Variants in DIP2B observed in about 807,000 individuals in gnomAD.
DIP2B encodes disco-interacting protein 2 homolog B.
Under a neutral mutation model 198.0 loss-of-function variants are expected in DIP2B, and 76 were observed. The ratio of observed to expected loss-of-function variants is 0.38; its 90% CI spans 0.32 to 0.46. The LOEUF is 0.46. DIP2B is among the 20% of genes least tolerant of loss of function. DIP2B has a pLI of 0.99. For missense variants in DIP2B, 1,559 were observed against 1,978.4 expected, an observed-to-expected ratio of 0.79 and a Z score of 4.02; for synonymous variants, 701 against 739.1, an observed-to-expected ratio of 0.95 and a Z score of 0.84.
intron 1 of DIP2B, 111 bp downstream of exon 1, chr12:50,505,351 G>A: frequency 6.0e-6 from 5 of 834,216 alleles, no homozygotes; most frequent in Non-Finnish European, 8.7e-6. Context: ...GGACGAGGGT[G>A]TAGAGAACCT....
chr12:50,686,451 A>G (rs944772565), intron 11 of DIP2B, 122 bp from the exon 12 acceptor site: 9 of 799,462 alleles, frequency 1.1e-5, no homozygotes, highest in African/African-American at 7.0e-5. Flanking sequence ...ATAAAAACTA[A>G]GTATTTTATT....
At chr12:50,580,378 A>G (rs1166778326) in intron 1 of DIP2B, among the ~76,000 whole-genome samples, 4 of 148,966 alleles carry the variant, frequency 2.7e-5, no homozygotes, top group African/African-American at 9.8e-5. Flanking sequence ...TGAGTACTCC[A>G]GATGCCCTCT....
At position 50,659,286 on chromosome 12, in the gene DIP2B, C is replaced by T. The variant is rs7306854; in HGVS notation, c.302-908C>T. 2.9e-3 allele frequency among the ~76,000 whole-genome samples: 443 copies of T among 152,194 alleles called. 5 individuals are homozygous for T. Among genetic ancestry groups the T allele is most frequent in the African/African-American group, 0.01 (421 of 41,524 alleles). On this transcript the variant is annotated intron_variant, in intron 3 of 37. Transcript: ENST00000301180. The stretch of plus-strand genomic sequence containing the variant: ...ATTTAGGACCTGCAGTTTCTTGATT[C>T]AGAGTTTAAATTTAAAAAAGAGGAT...
intron 1 of DIP2B, among the ~76,000 whole-genome samples, chr12:50,570,893 T>G (rs2139407351): frequency 6.6e-6 from 1 of 152,330 alleles, no homozygotes; most frequent in Admixed American, 6.5e-5. Context: ...CTCTCAGAAA[T>G]TTTGGCTTCA....
intron 17 of DIP2B, among the ~76,000 whole-genome samples, chr12:50,697,928 G>A (rs1939347169): frequency 6.6e-6 from 1 of 151,902 alleles, no homozygotes; most frequent in Middle Eastern, 3.2e-3. Flanking sequence ...GAGAGATGGG[G>A]TCTTGCTCTG....
chr12:50,614,599 G>C (rs1027994247), intron 1 of DIP2B, among the ~76,000 whole-genome samples: 2 of 152,168 alleles, frequency 1.3e-5, no homozygotes, highest in African/African-American at 4.8e-5. Context: ...AGCAGTCTTA[G>C]AGCCCATGAG....
At chr12:50,569,105 T>C (rs1381181945) in intron 1 of DIP2B, among the ~76,000 whole-genome samples, 11 of 151,732 alleles carry the variant, frequency 7.2e-5, no homozygotes, top group Admixed American at 6.6e-5. Context: ...TTTTTTTTTT[T>C]CACCACAGCT....
At chr12:50,527,996 C>T (rs1029996638) in intron 1 of DIP2B, among the ~76,000 whole-genome samples, 14 of 150,166 alleles carry the variant, frequency 9.3e-5, no homozygotes, top group Non-Finnish European at 1.6e-4. Flanking sequence ...AGTGTAATCA[C>T]GGCTCACTGC....
At chr12:50,553,828 A>AT (rs1292623607) in intron 1 of DIP2B, among the ~76,000 whole-genome samples, 1 of 151,834 alleles carries the variant, frequency 6.6e-6, no homozygotes, top group East Asian at 1.9e-4. Context: ...AATTTTTTAA[A>AT]TTTTTTGTGG....
chr12:50,568,395 C>T (rs1958584345), intron 1 of DIP2B, among the ~76,000 whole-genome samples: 1 of 152,110 alleles, frequency 6.6e-6, no homozygotes, highest in South Asian at 2.1e-4. Context: ...AAGATAGGGC[C>T]AGCGGAGGAA....
At chr12:50,724,979 C>CTT (rs1485321959) in intron 28 of DIP2B, 93 bp downstream of exon 28, 7 of 1,282,052 alleles carry the variant, frequency 5.5e-6, no homozygotes, top group Non-Finnish European at 7.8e-6. Context: ...TTTACCCTGC[C>CTT]TTTATGTCTT....
intron 3 of DIP2B, among the ~76,000 whole-genome samples, chr12:50,656,410 G>A (rs1014041670): frequency 8.5e-5 from 13 of 152,134 alleles, no homozygotes; most frequent in African/African-American, 2.9e-4. Flanking sequence ...AAGGAACTGT[G>A]TCCAAAGGAC....
chr12:50,694,322 C>G (rs549052524), intron 14 of DIP2B, among the ~76,000 whole-genome samples: 1 of 152,182 alleles, frequency 6.6e-6, no homozygotes, highest in South Asian at 2.1e-4. Context: ...ATGGTGAAAT[C>G]CCAACTCTAC....
At chr12:50,532,825 G>T (rs967874704) in intron 1 of DIP2B, among the ~76,000 whole-genome samples, 4 of 152,264 alleles carry the variant, frequency 2.6e-5, no homozygotes, top group African/African-American at 7.2e-5. Flanking sequence ...GGGAAGTGGG[G>T]GAAGAAAGGG....
chr12:50,597,224 G>A (rs772097520), intron 1 of DIP2B, among the ~76,000 whole-genome samples: 3 of 152,024 alleles, frequency 2.0e-5, no homozygotes, highest in Non-Finnish European at 4.4e-5. Flanking sequence ...CTTTTTAAGG[G>A]CTCAATAGCA....
At chr12:50,613,846 A>G (rs1197315535) in intron 1 of DIP2B, among the ~76,000 whole-genome samples, 1 of 152,222 alleles carries the variant, frequency 6.6e-6, no homozygotes, top group East Asian at 1.9e-4. Context: ...GGAAGAAACT[A>G]TAAACTTCAT....
chr12:50,537,021 C>T (rs1364171570), intron 1 of DIP2B, among the ~76,000 whole-genome samples: 2 of 149,680 alleles, frequency 1.3e-5, no homozygotes, highest in African/African-American at 4.9e-5. Flanking sequence ...TCCTAATCTC[C>T]TTTCTCCCCT....
intron 4 of DIP2B, among the ~76,000 whole-genome samples, chr12:50,665,437 A>T (rs1199230842): frequency 6.6e-6 from 1 of 152,132 alleles, no homozygotes. Flanking sequence ...CTGAAGTGTC[A>T]TGTTTATTTA....
intron 5 of DIP2B, among the ~76,000 whole-genome samples, chr12:50,673,155 T>G (rs1455194192): frequency 6.6e-6 from 1 of 152,170 alleles, no homozygotes; most frequent in Non-Finnish European, 1.5e-5. Flanking sequence ...CACATTATCC[T>G]ACAGAAAGGT....
Sources: gnomAD v4.1 joint callset for allele counts (sites outside exome capture counted in the v4.1 genomes callset) on GRCh38, gnomAD v4.1.1 for gene constraint, MANE v1.5 for transcripts, NCBI Gene and HGNC (gene_info 2026-07-23, HGNC 2026-07-21) for gene names.